SMS: variants seen among roughly 807,000 people sequenced by gnomAD.
The protein encoded by SMS is spermidine aminopropyltransferase.
A neutral mutation model predicts 33.0 loss-of-function variants in SMS; 3 were observed. The ratio of observed to expected loss-of-function variants is 0.09; its 90% confidence interval spans 0.04 to 0.23. The LOEUF (loss-of-function observed/expected upper bound fraction) is 0.23. Among genes scored for constraint, SMS ranks in the 10% least tolerant of loss-of-function variants. SMS has a pLI of 1.00. For synonymous variants in SMS, 103 were observed against 112.2 expected (o/e 0.92, Z 0.52); for missense variants, 117 against 288.6 (o/e 0.41, Z 4.31).
intron 1 of SMS, among the ~76,000 whole-genome samples, chrX:21,962,666 T>G (rs1923439972): frequency 9.0e-6 from 1 of 111,560 alleles, no homozygotes; most frequent in Non-Finnish European, 1.9e-5. Context: ...TTATTATTAC[T>G]TATTTTTTTG....
chrX:21,946,826 G>C (rs1018981426), intron 1 of SMS, among the ~76,000 whole-genome samples: 1 of 112,194 alleles, frequency 8.9e-6, no homozygotes, highest in African/African-American at 3.2e-5. Context: ...CAGTAATTTG[G>C]ATGACAGATC....
intron 7 of SMS, among the ~76,000 whole-genome samples, 153 bp from the exon 8 acceptor site, chrX:21,984,151 G>A (rs1002256880): frequency 1.8e-5 from 2 of 111,990 alleles, no homozygotes; most frequent in Non-Finnish European, 3.8e-5. Context: ...AACAGACATA[G>A]ATGAAAGTTT....
chrX:21,984,279 C>A (rs773878346), intron 7 of SMS, 25 bp from the exon 8 acceptor site: 1 of 919,164 alleles, frequency 1.1e-6, no homozygotes, highest in Non-Finnish European at 1.6e-6. Context: ...TTGGCTCACT[C>A]ATCTATTCCT....
intron 1 of SMS, among the ~76,000 whole-genome samples, chrX:21,955,357 C>G (rs774087861): frequency 1.2e-4 from 13 of 112,244 alleles, no homozygotes; most frequent in African/African-American, 3.9e-4. Flanking sequence ...TGTCATTTGA[C>G]CAGGGCCAAC....
intron 7 of SMS, among the ~76,000 whole-genome samples, chrX:21,980,560 G>A (rs964246670): frequency 3.8e-5 from 4 of 106,624 alleles, no homozygotes; most frequent in Non-Finnish European, 7.7e-5. Flanking sequence ...CTACCTGAAC[G>A]TTAATAGAAA....
intron 1 of SMS, among the ~76,000 whole-genome samples, chrX:21,952,929 T>G (rs1326594707): frequency 2.0e-5 from 2 of 101,733 alleles, no homozygotes; most frequent in Non-Finnish European, 4.0e-5. Flanking sequence ...CACTGGCTAA[T>G]TTTCGTATTT....
At chrX:21,980,450 A>ATATATATATG (rs1475390873) in intron 7 of SMS, among the ~76,000 whole-genome samples, 1 of 99,664 alleles carries the variant, frequency 1.0e-5, no homozygotes, top group Non-Finnish European at 2.0e-5. Flanking sequence ...ATATATATAT[A>ATATATATATG]TATTTCCATC....
At chrX:21,948,129 T>C in intron 1 of SMS, among the ~76,000 whole-genome samples, 1 of 111,949 alleles carries the variant, frequency 8.9e-6, no homozygotes, top group East Asian at 2.8e-4. Context: ...ATTAAAAAAT[T>C]GAGTAAACCA....
chrX:21,978,518 G>A (rs1249262763), intron 6 of SMS, among the ~76,000 whole-genome samples: 1 of 111,796 alleles, frequency 8.9e-6, no homozygotes, highest in Non-Finnish European at 1.9e-5. Context: ...AGAGGTTGCA[G>A]TAAGCCAAGA....
At chrX:21,981,908 A>G (rs1478689590) in intron 7 of SMS, among the ~76,000 whole-genome samples, 1 of 111,840 alleles carries the variant, frequency 8.9e-6, no homozygotes, top group Non-Finnish European at 1.9e-5. Context: ...ACTAGTAACA[A>G]GCATGACAGG....
At chrX:21,979,952 A>AT (rs1193708860) in intron 7 of SMS, among the ~76,000 whole-genome samples, 8 of 107,810 alleles carry the variant, frequency 7.4e-5, no homozygotes, top group South Asian at 7.7e-4. Flanking sequence ...AAAAATCTTA[A>AT]TAAAAAAAAA....
At chrX:21,987,654 A>C (rs1340397737) in intron 9 of SMS, among the ~76,000 whole-genome samples, 1 of 112,782 alleles carries the variant, frequency 8.9e-6, no homozygotes, top group African/African-American at 3.2e-5. Context: ...CTGCAAATAC[A>C]TAAAAGGAAA....
chrX:21,956,568 C>G (rs1417078039), intron 1 of SMS, among the ~76,000 whole-genome samples: 3 of 111,790 alleles, frequency 2.7e-5, no homozygotes, highest in Non-Finnish European at 5.6e-5. Context: ...CTCCTGTGTT[C>G]AAGTGATTCT....
chrX:21,985,761 G>C (rs1925280454), intron 9 of SMS, among the ~76,000 whole-genome samples: 1 of 111,604 alleles, frequency 9.0e-6, no homozygotes, highest in Non-Finnish European at 1.9e-5. Context: ...ATTGCACTCT[G>C]GATCTCTGAA....
At chrX:21,988,938 T>C (rs1234278040) in intron 9 of SMS, among the ~76,000 whole-genome samples, 1 of 109,896 alleles carries the variant, frequency 9.1e-6, no homozygotes, top group African/African-American at 3.3e-5. Context: ...TCCTGGGACT[T>C]GACCTTCCTC....
At chrX:21,964,118 G>T (rs1363439412) in intron 1 of SMS, among the ~76,000 whole-genome samples, 1 of 108,916 alleles carries the variant, frequency 9.2e-6, no homozygotes, top group Admixed American at 9.8e-5. Context: ...CAGTTCTGGG[G>T]ATATAATTCA....
At chrX:21,978,268 T>C (rs949211663) in intron 6 of SMS, among the ~76,000 whole-genome samples, 154 bp downstream of exon 6, 4 of 111,921 alleles carry the variant, frequency 3.6e-5, no homozygotes, top group African/African-American at 1.3e-4. Flanking sequence ...TACCCTTTTA[T>C]GTGGCCATCA....
intron 8 of SMS, 112 bp from the exon 9 acceptor site, chrX:21,985,032 G>A (rs187343645): frequency 5.9e-6 from 3 of 508,859 alleles, no homozygotes; most frequent in South Asian, 2.5e-5. Flanking sequence ...TCTTACACTC[G>A]TGGCTCTTTT....
intron 1 of SMS, among the ~76,000 whole-genome samples, chrX:21,945,382 CAAG>C (rs1181649752): frequency 9.0e-6 from 1 of 111,452 alleles, no homozygotes; most frequent in Non-Finnish European, 1.9e-5. Flanking sequence ...TGCAGGGACA[CAAG>C]GAGATTTGTG....
Sources: allele counts gnomAD v4.1 joint callset (sites outside exome capture counted in the v4.1 genomes callset), GRCh38; gene constraint gnomAD v4.1.1; transcripts MANE v1.5; gene names NCBI Gene and HGNC (gene_info 2026-07-23, HGNC 2026-07-21).